The following ZSWIM6 variants were observed in gnomAD, a reference collection of about 807,000 sequenced individuals.
ZSWIM6 encodes the protein zinc finger SWIM domain-containing protein 6.
Under a neutral mutation model 113.2 loss-of-function variants are expected in ZSWIM6, and 9 were observed. The ratio of observed to expected loss-of-function variants is 0.08; its 90% CI spans 0.05 to 0.14. The LOEUF is 0.14. ZSWIM6 is among the 10% of genes least tolerant of loss of function. The probability of loss-of-function intolerance (pLI) is 1.00; values close to 1 mark genes in which losing one functional copy is unlikely to be tolerated. For synonymous variants in ZSWIM6, 611 were observed against 606.5 expected, an observed-to-expected ratio of 1.01 and a Z score of -0.11; for missense variants, 1,162 against 1,552.2, an observed-to-expected ratio of 0.75 and a Z score of 4.22.
intron 1 of ZSWIM6, among the ~76,000 whole-genome samples, chr5:61,341,278 C>T (rs994823210): frequency 6.6e-6 from 1 of 152,154 alleles, no homozygotes; most frequent in Non-Finnish European, 1.5e-5. Context: ...CTGCCTTTCT[C>T]CCTGAGCTGC....
chr5:61,432,127 G>A (rs1260121415), intron 1 of ZSWIM6, among the ~76,000 whole-genome samples: 1 of 152,192 alleles, frequency 6.6e-6, no homozygotes, highest in Non-Finnish European at 1.5e-5. Context: ...ATAGGAACAA[G>A]CTGCTGTTTG....
chr5:61,467,570 A>C (rs1399638942), intron 1 of ZSWIM6, among the ~76,000 whole-genome samples: 1 of 152,232 alleles, frequency 6.6e-6, no homozygotes, highest in Non-Finnish European at 1.5e-5. Flanking sequence ...GGACCCTCTC[A>C]AAGAGACTTA....
At chr5:61,407,786 A>G (rs890977359) in intron 1 of ZSWIM6, among the ~76,000 whole-genome samples, 1 of 152,186 alleles carries the variant, frequency 6.6e-6, no homozygotes, top group African/African-American at 2.4e-5. Flanking sequence ...CTAAGATACA[A>G]TTTTTCACAG....
chr5:61,451,811 A>C (rs1433859569), intron 1 of ZSWIM6, among the ~76,000 whole-genome samples: 1 of 152,168 alleles, frequency 6.6e-6, no homozygotes, highest in East Asian at 1.9e-4. Flanking sequence ...TAAGTTTGGA[A>C]TTTATAGAGA....
intron 1 of ZSWIM6, among the ~76,000 whole-genome samples, chr5:61,465,082 G>T (rs1410633672): frequency 6.6e-6 from 1 of 152,196 alleles, no homozygotes; most frequent in East Asian, 1.9e-4. Flanking sequence ...CCACCTTTAA[G>T]AAGGGTGGAA....
chr5:61,459,848 T>C (rs1747286904), intron 1 of ZSWIM6, among the ~76,000 whole-genome samples: 1 of 152,220 alleles, frequency 6.6e-6, no homozygotes, highest in Admixed American at 6.5e-5. Context: ...TTTCAGGTCC[T>C]CCCGCAAAGG....
Position 61,381,298 on chromosome 5 carries a change from G to A in ZSWIM6, c.676+48350G>A, listed in dbSNP as rs147972159. Reference sequence around the variant, plus strand: ...AAAAAACAAAAATTAGCCAGGTGTGGTGGTGAGCGCCTGTAGTCCCTGCTA... The same window carrying A: ...AAAAAACAAAAATTAGCCAGGTGTGATGGTGAGCGCCTGTAGTCCCTGCTA... On this transcript the variant is annotated intron_variant, in intron 1 of 13. Coordinates refer to ENST00000252744, the MANE Select transcript of ZSWIM6 (RefSeq NM_020928.2). Among the ~76,000 whole-genome samples, 33 of 152,312 alleles carry A rather than the reference G, an allele frequency of 2.2e-4. No individual in the cohort carries two copies. In the East Asian group the frequency reaches 6.2e-3, roughly 28 times the overall value.
chr5:61,336,387 C>T (rs1306333446), intron 1 of ZSWIM6, among the ~76,000 whole-genome samples: 1 of 152,104 alleles, frequency 6.6e-6, no homozygotes, highest in Non-Finnish European at 1.5e-5. Flanking sequence ...AAAATTTCCC[C>T]AAGTTATTTT....
intron 4 of ZSWIM6, among the ~76,000 whole-genome samples, chr5:61,507,359 G>A (rs1453678452): frequency 1.3e-5 from 2 of 152,142 alleles, no homozygotes; most frequent in South Asian, 2.1e-4. Context: ...AGTTTTATTG[G>A]TGTTGGGGGG....
At position 61,541,907 on chromosome 5, in the gene ZSWIM6, C is replaced by T. The variant is rs1187955347; in HGVS notation, c.2727C>T (p.Thr909=). 6.4e-7 allele frequency: 1 copy of T among 1,551,242 alleles called. No homozygotes were observed. The highest frequency in any genetic ancestry group is 1.4e-5 in the African/African-American group (1 of 73,106). The stretch of plus-strand genomic sequence containing the variant: ...AGGTTATGCGAATGACACTGTCAAC[C>T]TTAAATTGGCGACGGCGGGAGATGG... ...GLQVMRMTLS[T]LNWRRREMVR... The change falls in exon 13 of 14, where the codon ACC becomes ACT. Residue 909 remains threonine (T), a synonymous_variant. Transcript: ENST00000252744.
At chr5:61,391,705 A>T in intron 1 of ZSWIM6, 2 of 1,143,254 alleles carry the variant, frequency 1.7e-6, no homozygotes, top group Non-Finnish European at 2.7e-6. Flanking sequence ...TTCCCGCATG[A>T]TGTTGGTCAT....
chr5:61,391,918 A>G, intron 1 of ZSWIM6: 1 of 555,908 alleles, frequency 1.8e-6, no homozygotes, highest in Non-Finnish European at 3.2e-6. Flanking sequence ...TATTTTCAAA[A>G]CTTTTTGAGC....
intron 9 of ZSWIM6, among the ~76,000 whole-genome samples, chr5:61,532,790 A>G (rs1749475010): frequency 6.6e-6 from 1 of 152,112 alleles, no homozygotes; most frequent in Non-Finnish European, 1.5e-5. Flanking sequence ...TTTTCCCTGT[A>G]AAGATAAAAA....
chr5:61,332,847 G>T lies in ZSWIM6; in HGVS notation c.575G>T (p.Gly192Val). The change falls in exon 1 of 14, where the codon GGG (glycine) becomes GTG (valine). Residue 192 changes from glycine (G) to valine (V), a missense_variant. Physicochemically the swap from Gly to Val is moderately radical, Grantham distance 109 (BLOSUM62 -3). This residue lies in a region of ZSWIM6 where 333 missense variants were observed against 293.4 expected (regional missense o/e 1.13). Transcript: ENST00000252744. ...GCGGGGGCCGGGGCCCCGTCGGTGG[G>T]GGCTGCCGGGGCGGCGGACGGCGGC... ...AAAGAGAPSV[G>V]AAGAADGGDE... 8.8e-7 allele frequency: 1 copy of T among 1,132,082 alleles called. No individual in the cohort carries two copies. The highest frequency in any genetic ancestry group is 1.1e-6 in the Non-Finnish European group (1 of 909,208). The allele number at this position is 1,132,082 out of a possible 1,614,324, so 70.1% of individuals were successfully genotyped here.
In ZSWIM6 at chr5:61,464,158, A is replaced by ATTTTTTTTTT. The variant is rs869288331; in HGVS notation, c.677-8499_677-8490dup. Among the ~76,000 whole-genome samples the ATTTTTTTTTT allele has an allele frequency of 1.5e-3, 67 of 43,528 alleles. 1 individual carries two copies. The highest frequency in any genetic ancestry group is 2.2e-3 in the Admixed American group (6 of 2,748). The allele number at this position is 43,528 out of a possible 152,430, so 28.6% of individuals were successfully genotyped here. A position where few individuals can be genotyped will look rare whatever the true frequency, so the allele number is the denominator to read the frequency against. ...AGGTGCATGCCAACACACCCGGCTA[A>ATTTTTTTTTT]TTTTTTTTTTTTTTTTTTTTTTTTT... On this transcript the variant is annotated intron_variant, in intron 1 of 13. Coordinates refer to ENST00000252744, the MANE Select transcript of ZSWIM6 (RefSeq NM_020928.2).
chr5:61,355,276 CT>C (rs1447876264), intron 1 of ZSWIM6, among the ~76,000 whole-genome samples: 2 of 152,072 alleles, frequency 1.3e-5, no homozygotes, highest in African/African-American at 4.8e-5. Context: ...CAGTGGAGGC[CT>C]ACAGTGGCTC....
chr5:61,363,844 CCCTTT>C (rs1288518436), intron 1 of ZSWIM6, among the ~76,000 whole-genome samples: 1 of 151,310 alleles, frequency 6.6e-6, no homozygotes, highest in East Asian at 1.9e-4. Context: ...TTCCTCCCTT[CCCTTT>C]CCTTTTCCTT....
chr5:61,336,744 G>A (rs1030038806), intron 1 of ZSWIM6, among the ~76,000 whole-genome samples: 4 of 152,126 alleles, frequency 2.6e-5, no homozygotes, highest in African/African-American at 9.7e-5. Context: ...GCAACAGACT[G>A]AGACTCTGTC....
chr5:61,333,706 C>T (rs911826182), intron 1 of ZSWIM6, among the ~76,000 whole-genome samples: 1 of 152,126 alleles, frequency 6.6e-6, no homozygotes, highest in Non-Finnish European at 1.5e-5. Flanking sequence ...AGGACGCTTA[C>T]TAATTAAAGG....
Sources: gnomAD v4.1 joint callset for allele counts (sites outside exome capture counted in the v4.1 genomes callset) on GRCh38, gnomAD v4.1.1 for gene constraint, gnomAD v4.1.1 regional missense constraint, MANE v1.5 for transcripts, NCBI Gene and HGNC (gene_info 2026-07-23, HGNC 2026-07-21) for gene names.